Variants in MTCL1 observed in about 807,000 individuals in gnomAD.
MTCL1 encodes the protein microtubule cross-linking factor 1.
Under a neutral mutation model 141.4 loss-of-function variants are expected in MTCL1, and 79 were observed. The ratio of observed to expected loss-of-function variants is 0.56; its 90% CI spans 0.47 to 0.67. MTCL1 has a LOEUF of 0.67. Ranked by LOEUF, MTCL1 falls within the 30% of genes least tolerant of loss-of-function variation. MTCL1 has a pLI of 0.00. For synonymous variants in MTCL1, 914 were observed against 875.8 expected, an observed-to-expected ratio of 1.04 and a Z score of -0.77; for missense variants, 2,177 against 2,113.9, an observed-to-expected ratio of 1.03 and a Z score of -0.59.
At chr18:8,820,189 C>T (rs1406617668) in intron 13 of MTCL1, among the ~76,000 whole-genome samples, 4 of 152,064 alleles carry the variant, frequency 2.6e-5, no homozygotes, top group African/African-American at 9.7e-5. Context: ...GTGGGCGGAT[C>T]ACGAGGTCAG....
chr18:8,790,824 G>C (rs2075696199), intron 7 of MTCL1, among the ~76,000 whole-genome samples: 2 of 152,158 alleles, frequency 1.3e-5, no homozygotes, highest in Non-Finnish European at 2.9e-5. Flanking sequence ...AGACCAGCCT[G>C]ACCAACATGG....
chr18:8,733,982 A>G (rs1337551345), intron 4 of MTCL1, among the ~76,000 whole-genome samples: 1 of 152,170 alleles, frequency 6.6e-6, no homozygotes, highest in African/African-American at 2.4e-5. Context: ...TTTGTAAACG[A>G]GGTTACTCAC....
intron 4 of MTCL1, among the ~76,000 whole-genome samples, chr18:8,775,833 C>T (rs774273881): frequency 6.6e-6 from 1 of 152,116 alleles, no homozygotes; most frequent in South Asian, 2.1e-4. Flanking sequence ...ATTCTGTGAC[C>T]CTCTTCAGCC....
chr18:8,813,692 G>T (rs2076562151), intron 12 of MTCL1, among the ~76,000 whole-genome samples: 1 of 152,234 alleles, frequency 6.6e-6, no homozygotes, highest in Non-Finnish European at 1.5e-5. Context: ...TCAGTTGAAA[G>T]TCAGGCTGTT....
chr18:8,832,018 A>G (rs909725753), exon 17 of MTCL1: 5 of 620,076 alleles, frequency 8.1e-6, no homozygotes, highest in Non-Finnish European at 1.4e-5. Context: ...TTTTTTTCAT[A>G]GCTCAGAAAA....
intron 10 of MTCL1, among the ~76,000 whole-genome samples, chr18:8,799,295 C>T (rs1007713341): frequency 1.3e-5 from 2 of 152,228 alleles, no homozygotes; most frequent in Non-Finnish European, 2.9e-5. Flanking sequence ...TGAGGACAGG[C>T]GGCAACCTTC....
intron 4 of MTCL1, among the ~76,000 whole-genome samples, chr18:8,731,717 A>T (rs67597784): frequency 1.8e-5 from 2 of 114,046 alleles, no homozygotes; most frequent in Admixed American, 1.0e-4. Context: ...CAAAAAAAAA[A>T]TTTTTTTTTG....
At chr18:8,768,724 TGATG>T (rs1340879443) in intron 4 of MTCL1, among the ~76,000 whole-genome samples, 1 of 152,080 alleles carries the variant, frequency 6.6e-6, no homozygotes, top group Non-Finnish European at 1.5e-5. Flanking sequence ...TTGCCTCTCT[TGATG>T]GACTGGTAGA....
At chr18:8,818,038 C>A (rs898204594) in intron 12 of MTCL1, among the ~76,000 whole-genome samples, 2 of 152,194 alleles carry the variant, frequency 1.3e-5, no homozygotes, top group African/African-American at 4.8e-5. Context: ...GGGCTCCCTT[C>A]CTGAGCCACC....
chr18:8,830,882 A>G lies in MTCL1; in HGVS notation c.*19-725A>G. 3.0e-6 allele frequency: 3 copies of G among 985,522 alleles called. No individual in the cohort carries two copies. Among genetic ancestry groups the G allele is most frequent in the Non-Finnish European group, 3.6e-6 (3 of 829,956 alleles). 61.0% of individuals were successfully genotyped at this position (985,522 alleles called of 1,614,324 possible). A position where few individuals can be genotyped will look rare whatever the true frequency, so the allele number is the denominator to read the frequency against. On this transcript the variant is annotated intron_variant, in intron 16 of 16. Coordinates refer to ENST00000359865, the Ensembl canonical transcript of MTCL1. This position sits in a 1 kb window ranked among gnomAD's most constrained non-coding sequence, Gnocchi z 6.4. The stretch of plus-strand genomic sequence containing the variant: ...AATAAGGATTCTAGGTGATTTGCAC[A>G]TGGTTGAGTGTGTCTTGCATCACCT...
rs1481069682 is a variant in MTCL1 at position 8,705,831 on chromosome 18, C to T, written c.171C>T (p.Ala57=). Residue 57 remains alanine (A), a synonymous_variant, in exon 1 of 14, where the codon GCC becomes GCT. Coordinates refer to the MTCL1 transcript ENST00000306329. This position sits in a 1 kb window ranked among gnomAD's most constrained non-coding sequence, Gnocchi z 5.2. ...TCAAGGACCTGCACGCCCGGCCCGCCGCGCCCGGCCCGGCCGTCCCCTCCT... is the reference window on the plus strand; with the variant it reads ...TCAAGGACCTGCACGCCCGGCCCGCTGCGCCCGGCCCGGCCGTCCCCTCCT... The T allele has an allele frequency of 8.5e-7, 1 of 1,176,606 alleles. No homozygotes were observed. Among genetic ancestry groups the T allele is most frequent in the Non-Finnish European group, 1.1e-6 (1 of 951,874 alleles). The allele number at this position is 1,176,606 out of a possible 1,614,324, so 72.9% of individuals were successfully genotyped here.
chr18:8,753,155 C>T (rs1232382616), intron 4 of MTCL1, among the ~76,000 whole-genome samples: 1 of 152,180 alleles, frequency 6.6e-6, no homozygotes, highest in Non-Finnish European at 1.5e-5. Flanking sequence ...TACCTGGACC[C>T]AGGGAAGCCC....
intron 4 of MTCL1, among the ~76,000 whole-genome samples, chr18:8,766,274 C>T (rs950076290): frequency 3.3e-5 from 5 of 152,180 alleles, no homozygotes; most frequent in Non-Finnish European, 7.3e-5. Flanking sequence ...CCTCCATCAT[C>T]CTCCATGTAG....
chr18:8,705,632 T>C (rs1402264471), upstream of MTCL1: 27 of 1,203,352 alleles, frequency 2.2e-5, no homozygotes, highest in African/African-American at 3.3e-5. The surrounding 1 kb of genome is among the most constrained non-coding windows in gnomAD (Gnocchi z 5.2). Flanking sequence ...GAGCATCTGC[T>C]GCCTGAGCTG....
At chr18:8,758,905 A>T (rs1244771134) in intron 4 of MTCL1, among the ~76,000 whole-genome samples, 1 of 152,210 alleles carries the variant, frequency 6.6e-6, no homozygotes, top group Non-Finnish European at 1.5e-5. Flanking sequence ...TCTCTAAAAA[A>T]TTCCTCCCTT....
intron 11 of MTCL1, among the ~76,000 whole-genome samples, chr18:8,812,518 T>C (rs1159236370): frequency 6.6e-6 from 1 of 152,236 alleles, no homozygotes; most frequent in African/African-American, 2.4e-5. Flanking sequence ...AAGTCTTCTC[T>C]TTGGTTTTCA....
At chr18:8,722,442 A>G (rs577875984) in intron 4 of MTCL1, among the ~76,000 whole-genome samples, 5 of 152,304 alleles carry the variant, frequency 3.3e-5, no homozygotes, top group African/African-American at 1.2e-4. Flanking sequence ...CTCCCCCAAA[A>G]CTTAACTAAT....
At chr18:8,733,161 G>A (rs573601267) in intron 4 of MTCL1, among the ~76,000 whole-genome samples, 7 of 152,320 alleles carry the variant, frequency 4.6e-5, no homozygotes, top group South Asian at 2.1e-4. Context: ...GAGCCAGGGC[G>A]CAGGGCAGCC....
intron 4 of MTCL1, among the ~76,000 whole-genome samples, chr18:8,749,759 G>A (rs146106233): frequency 2.0e-5 from 3 of 152,170 alleles, no homozygotes; most frequent in Non-Finnish European, 2.9e-5. Context: ...ATCCTGGATC[G>A]TACAGACATG....
Sources: allele counts gnomAD v4.1 joint callset (sites outside exome capture counted in the v4.1 genomes callset), GRCh38; gene constraint gnomAD v4.1.1; non-coding constraint Gnocchi (gnomAD v3.1); transcripts MANE v1.5; gene names NCBI Gene and HGNC (gene_info 2026-07-23, HGNC 2026-07-21).